The following CDH18 variants were observed in gnomAD, a reference collection of about 807,000 sequenced individuals.
The protein encoded by CDH18 is cadherin-18.
CDH18 carries 31 observed loss-of-function variants against 67.9 expected under a neutral mutation model. The observed-to-expected ratio is 0.46, with a 90% CI of 0.34 to 0.62. The LOEUF is 0.62. Ranked by LOEUF, CDH18 falls within the 20% of genes least tolerant of loss-of-function variation. CDH18 has a pLI of 0.01. For missense variants in CDH18, 890 were observed against 975.5 expected, an observed-to-expected ratio of 0.91 and a Z score of 1.17; for synonymous variants, 362 against 347.2, an observed-to-expected ratio of 1.04 and a Z score of -0.48.
chr5:20,547,193 G>A (rs1757388312), intron 1 of CDH18, among the ~76,000 whole-genome samples: 1 of 152,074 alleles, frequency 6.6e-6, no homozygotes, highest in Non-Finnish European at 1.5e-5. Flanking sequence ...AACTGCTAAA[G>A]GGAAAACAGT....
intron 1 of CDH18, among the ~76,000 whole-genome samples, chr5:20,566,953 A>G (rs897462976): frequency 6.6e-6 from 1 of 152,156 alleles, no homozygotes; most frequent in African/African-American, 2.4e-5. Context: ...ACCATTAGCC[A>G]ATTGTTCAAT....
chr5:20,112,085 TAA>T (rs1747527126), intron 2 of CDH18, among the ~76,000 whole-genome samples: 1 of 152,180 alleles, frequency 6.6e-6, no homozygotes. Context: ...ACACACTTAT[TAA>T]AATTTCAAAG....
At chr5:19,954,271 G>T (rs1796056220) in intron 2 of CDH18, among the ~76,000 whole-genome samples, 3 of 151,978 alleles carry the variant, frequency 2.0e-5, no homozygotes, top group African/African-American at 7.2e-5. Context: ...AAAAGAACAG[G>T]TGAAAAGGCT....
intron 2 of CDH18, among the ~76,000 whole-genome samples, chr5:20,125,974 A>G (rs1409956806): frequency 6.6e-6 from 1 of 152,200 alleles, no homozygotes; most frequent in Non-Finnish European, 1.5e-5. Flanking sequence ...TCTAAAACGT[A>G]TATGAAACCA....
At chr5:19,780,174 T>C (rs1004275562) in intron 3 of CDH18, among the ~76,000 whole-genome samples, 4 of 152,142 alleles carry the variant, frequency 2.6e-5, no homozygotes, top group African/African-American at 9.7e-5. Flanking sequence ...CATTCATGTC[T>C]TTATACAGCA....
intron 1 of CDH18, among the ~76,000 whole-genome samples, chr5:20,508,272 G>T (rs1418540543): frequency 3.5e-5 from 5 of 143,156 alleles, no homozygotes; most frequent in African/African-American, 1.0e-4. Flanking sequence ...TATATATAAG[G>T]TCCTTCTGTA....
intron 1 of CDH18, among the ~76,000 whole-genome samples, chr5:20,535,919 G>T (rs1351265703): frequency 1.3e-5 from 2 of 152,052 alleles, no homozygotes; most frequent in African/African-American, 2.4e-5. Context: ...CAACCAGAAG[G>T]CTGGGCTGTA....
intron 3 of CDH18, among the ~76,000 whole-genome samples, chr5:19,819,464 C>T (rs1238741190): frequency 2.6e-5 from 4 of 152,030 alleles, no homozygotes; most frequent in African/African-American, 4.8e-5. Context: ...ATGAAGACAC[C>T]GAGGGTGAAT....
At chr5:20,203,962 A>G (rs537259102) in intron 2 of CDH18, among the ~76,000 whole-genome samples, 2 of 152,220 alleles carry the variant, frequency 1.3e-5, no homozygotes, top group African/African-American at 2.4e-5. Context: ...GGAGAAAAAG[A>G]AAAAAAGAAT....
intron 1 of CDH18, among the ~76,000 whole-genome samples, chr5:20,522,685 T>A (rs1165819002): frequency 6.6e-6 from 1 of 152,172 alleles, no homozygotes; most frequent in Non-Finnish European, 1.5e-5. Context: ...TTCTGGAACA[T>A]TTCAGGACCA....
chr5:19,568,757 C>T (rs918007850), intron 8 of CDH18, among the ~76,000 whole-genome samples: 1 of 152,154 alleles, frequency 6.6e-6, no homozygotes, highest in African/African-American at 2.4e-5. Context: ...TCTTGGACTT[C>T]CCAGCCTCTA....
At chr5:19,578,631 T>C (rs1222864622) in intron 7 of CDH18, among the ~76,000 whole-genome samples, 1 of 152,018 alleles carries the variant, frequency 6.6e-6, no homozygotes, top group Non-Finnish European at 1.5e-5. Flanking sequence ...TTATTCTCCA[T>C]TATTAGTTAC....
rs34748553 is a variant in CDH18, at chr5:20,018,799, CT to C, written c.-517-26786del. On this transcript the variant is annotated intron_variant, in intron 2 of 14. Coordinates refer to the CDH18 transcript ENST00000507958. ...GAGAGTTCTCTGAGAATAAGGCATT[CT>C]TTTTTTTTTTTTGAGACGGAGTTTC... 3.0e-3 allele frequency among the ~76,000 whole-genome samples: 430 copies of C among 144,546 alleles called. 14 individuals are homozygous for C. The highest frequency in any genetic ancestry group is 7.7e-3 in the African/African-American group (303 of 39,374). 94.8% of individuals were successfully genotyped at this position (144,546 alleles called of 152,430 possible).
chr5:20,434,563 A>T (rs1749023012), intron 1 of CDH18, among the ~76,000 whole-genome samples: 1 of 152,042 alleles, frequency 6.6e-6, no homozygotes, highest in African/African-American at 2.4e-5. Flanking sequence ...AACATAGAAG[A>T]TTTAAAAAAA....
At chr5:19,920,971 G>A (rs534097770) in intron 2 of CDH18, among the ~76,000 whole-genome samples, 1 of 151,202 alleles carries the variant, frequency 6.6e-6, no homozygotes, top group Non-Finnish European at 1.5e-5. Context: ...TCCAAGCAAT[G>A]AGGGAAAGAT....
chr5:20,052,354 G>A (rs973910776), intron 2 of CDH18, among the ~76,000 whole-genome samples: 2 of 152,024 alleles, frequency 1.3e-5, no homozygotes, highest in African/African-American at 4.8e-5. Flanking sequence ...AAGGTGGTAG[G>A]TTTCAATGGT....
At position 20,207,064 on chromosome 5, in the gene CDH18, T is replaced by C. The variant is rs6870813; in HGVS notation, c.-518+48380A>G. Among the ~76,000 whole-genome samples, 1,197 of 151,960 alleles carry C rather than the reference T, an allele frequency of 7.9e-3. 15 individuals are homozygous for C. The highest frequency in any genetic ancestry group is 0.027 in the Middle Eastern group (8 of 294). ...ACATAAATAAGTCAAATTATCCTTG[T>C]GCACAGGCAACATGCTAATATAGAA... is the stretch of plus-strand genomic sequence containing the variant. On this transcript the variant is annotated intron_variant, in intron 2 of 14. Coordinates refer to the CDH18 transcript ENST00000507958.
chr5:19,745,017 C>A (rs538709147), intron 4 of CDH18, among the ~76,000 whole-genome samples: 2 of 152,162 alleles, frequency 1.3e-5, no homozygotes, highest in Admixed American at 1.3e-4. Context: ...CCCCCATTTC[C>A]TCTTTATTTT....
chr5:19,876,201 G>T (rs1332296783), intron 2 of CDH18, among the ~76,000 whole-genome samples: 17 of 152,082 alleles, frequency 1.1e-4, no homozygotes, highest in Admixed American at 3.3e-4. Context: ...ACCCATTTGT[G>T]AAGAAATCTT....
Sources: gnomAD v4.1 joint callset for allele counts (sites outside exome capture counted in the v4.1 genomes callset) on GRCh38, gnomAD v4.1.1 for gene constraint, MANE v1.5 for transcripts, NCBI Gene and HGNC (gene_info 2026-07-23, HGNC 2026-07-21) for gene names.